Variants in PDE4A observed in about 807,000 individuals in gnomAD.
The protein encoded by PDE4A is 3',5'-cyclic-AMP phosphodiesterase 4A.
A neutral mutation model predicts 73.9 loss-of-function variants in PDE4A; 21 were observed. That is an observed-to-expected ratio of 0.28 (90% confidence interval 0.20 to 0.41). PDE4A has a LOEUF of 0.41. PDE4A is among the 10% of genes least tolerant of loss of function. PDE4A has a pLI of 1.00. For synonymous variants in PDE4A, 463 were observed against 505.4 expected (o/e 0.92, Z 1.13); for missense variants, 958 against 1,211.4 (o/e 0.79, Z 3.10).
chr19:10,461,042 C>G lies in PDE4A; in HGVS notation c.1404C>G (p.Phe468Leu). Residue 468 changes from phenylalanine (F) to leucine (L), a missense_variant, in exon 11 of 15, where the codon TTC becomes TTG. Phe to Leu is a conservative substitution (Grantham distance 22). Transcript: ENST00000380702. Reference sequence around the variant, plus strand: ...ACCTGGAGATTCTCGCCGCCCTCTTCGCGGCTGCCATCCACGATGTGGATC... The same window carrying G: ...ACCTGGAGATTCTCGCCGCCCTCTTGGCGGCTGCCATCCACGATGTGGATC... ...FTDLEILAAL[F>L]AAAIHDVDHP... 6.2e-7 allele frequency: 1 copy of G among 1,613,778 alleles called. No individual in the cohort carries two copies. Among genetic ancestry groups the G allele is most frequent in the Non-Finnish European group, 8.5e-7 (1 of 1,179,748 alleles).
At chr19:10,440,344 AT>A (rs1282263391) in intron 1 of PDE4A, among the ~76,000 whole-genome samples, 2 of 151,758 alleles carry the variant, frequency 1.3e-5, no homozygotes, top group African/African-American at 2.4e-5. Context: ...TTTTTTTCAT[AT>A]GTTTATTGGC....
At position 10,457,947 on chromosome 19, in the gene PDE4A, C is replaced by A; in HGVS notation, c.946C>A (p.Pro316Thr). The change falls in exon 8 of 15, where the codon CCA becomes ACA. Residue 316 changes from proline (P) to threonine (T), a missense_variant. By Grantham distance (38) the Pro-to-Thr change is conservative. Transcript: ENST00000380702. ...ACGAGAAAAACAGCAAGCGCCGCGA[C>A]CAAGACCCTCCCAGCCGCCCCCGCC... ...KEREKQQAPR[P>T]RPSQPPPPPV... is the part of the protein sequence containing the mutation. 6.2e-7 allele frequency: 1 copy of A among 1,613,522 alleles called. No homozygotes were observed. The highest frequency in any genetic ancestry group is 8.5e-7 in the Non-Finnish European group (1 of 1,180,034).
At chr19:10,429,290 GAA>G (rs756117033) in intron 1 of PDE4A, among the ~76,000 whole-genome samples, 13 of 109,700 alleles carry the variant, frequency 1.2e-4, no homozygotes, top group East Asian at 3.7e-4. Context: ...AAGAAAGAAA[GAA>G]AGAAAGAAAG....
chr19:10,418,430 C>CA (rs1183106601), upstream of PDE4A, among the ~76,000 whole-genome samples: 1 of 152,126 alleles, frequency 6.6e-6, no homozygotes, highest in Non-Finnish European at 1.5e-5. Flanking sequence ...GACAGCTGAG[C>CA]TGGTCCTGGC....
rs201987984 is a variant in PDE4A at position 10,468,242 on chromosome 19, T to A, written c.*621T>A. ...TCTCCCCTCTAAAAAAGTCTTCCGC[T>A]TGATTTTGCACAATCCCGGCGATAC... On this transcript the variant is annotated 3_prime_UTR_variant, in exon 15 of 15. Transcript: ENST00000380702. The A allele has an allele frequency of 1.3e-5, 2 of 152,488 alleles. No individual in the cohort carries two copies. Among genetic ancestry groups the A allele is most frequent in the Admixed American group, 6.6e-5 (1 of 15,202 alleles). The allele number at this position is 152,488 out of a possible 1,614,324, so 9.4% of individuals were successfully genotyped here.
intron 1 of PDE4A, chr19:10,432,301 C>T (rs956832781): frequency 7.5e-6 from 9 of 1,206,254 alleles, no homozygotes; most frequent in South Asian, 3.0e-5. Flanking sequence ...GGGGCTGTCC[C>T]TGGGGGGGTC....
intron 1 of PDE4A, among the ~76,000 whole-genome samples, chr19:10,436,902 A>G (rs1327804142): frequency 2.0e-5 from 3 of 152,040 alleles, no homozygotes; most frequent in Non-Finnish European, 4.4e-5. Flanking sequence ...AGCCAGGTGT[A>G]GTGGCGCACA....
chr19:10,448,046 A>G (rs2043036395), intron 2 of PDE4A, among the ~76,000 whole-genome samples: 1 of 151,910 alleles, frequency 6.6e-6, no homozygotes, highest in South Asian at 2.1e-4. Flanking sequence ...GCTTGAGCTC[A>G]GGATTCTGAG....
At chr19:10,461,258 G>GCT in intron 11 of PDE4A, among the ~76,000 whole-genome samples, 155 bp downstream of exon 11, 1 of 140,786 alleles carries the variant, frequency 7.1e-6, no homozygotes, top group African/African-American at 2.6e-5. Flanking sequence ...GGCGGGGCTG[G>GCT]GGGCGGGGCT....
At chr19:10,457,833 G>A (rs777656531) in intron 7 of PDE4A, 46 bp from the exon 8 acceptor site, 5 of 1,607,982 alleles carry the variant, frequency 3.1e-6, no homozygotes, top group African/African-American at 2.7e-5. Context: ...AGCCTCCAGG[G>A]GTGGAAGGGT....
upstream of PDE4A, chr19:10,417,776 G>A (rs1172134954): frequency 1.3e-6 from 2 of 1,564,622 alleles, no homozygotes; most frequent in Non-Finnish European, 1.7e-6. Flanking sequence ...CTGAGCCCTC[G>A]GACCCTGGGG....
chr19:10,463,655 C>G, intron 13 of PDE4A, 138 bp from the exon 14 acceptor site: 1 of 1,449,924 alleles, frequency 6.9e-7, no homozygotes, highest in Non-Finnish European at 9.2e-7. Flanking sequence ...CCCGCCTCAG[C>G]ATCCCAAAGT....
chr19:10,457,568 G>T (rs535412413), intron 7 of PDE4A, among the ~76,000 whole-genome samples: 2 of 151,854 alleles, frequency 1.3e-5, no homozygotes, highest in South Asian at 4.1e-4. Context: ...CTGGGTGTTC[G>T]GGGTAGGCAG....
intron 1 of PDE4A, chr19:10,421,327 C>G (rs904854749): frequency 1.0e-6 from 1 of 985,168 alleles, no homozygotes; most frequent in Admixed American, 6.2e-5. Flanking sequence ...GTGGTGTTAA[C>G]GAGGTCTGGG....
upstream of PDE4A, chr19:10,419,050 G>C (rs1207989562): frequency 1.0e-6 from 1 of 969,310 alleles, no homozygotes; most frequent in South Asian, 4.8e-5. Flanking sequence ...GTTGAAGACC[G>C]GCAGTCTTTT....
chr19:10,462,699 A>AT (rs2043293947), intron 13 of PDE4A, among the ~76,000 whole-genome samples: 1 of 149,672 alleles, frequency 6.7e-6, no homozygotes, highest in East Asian at 2.0e-4. Context: ...ATTTCCTCCC[A>AT]TTTCCCCCAA....
chr19:10,441,047 T>C (rs1403560345), intron 1 of PDE4A, among the ~76,000 whole-genome samples: 1 of 151,964 alleles, frequency 6.6e-6, no homozygotes, highest in Admixed American at 6.6e-5. Flanking sequence ...CTATTTATTT[T>C]TGAAACAAAG....
At chr19:10,432,552 C>A in intron 1 of PDE4A, 1 of 1,524,500 alleles carries the variant, frequency 6.6e-7, no homozygotes, top group South Asian at 1.2e-5. Context: ...CCGTCGGCAC[C>A]CTCCGGGCAG....
Position 10,466,972 on chromosome 19 carries a change from C to T in PDE4A, c.2012C>T (p.Thr671Ile), listed in dbSNP as rs777533742. The change falls in exon 15 of 15, where the codon ACT (threonine) becomes ATT (isoleucine). Residue 671 changes from threonine to isoleucine, a missense_variant. Physicochemically the swap from Thr to Ile is moderately conservative, Grantham distance 89 (BLOSUM62 -1). This residue lies in a region of PDE4A where 570 missense variants were observed against 827.7 expected (regional missense o/e 0.69). Transcript: ENST00000380702. ...VHPDAQEILD[T>I]LEDNRDWYYS... ...CCAGATGCCCAGGAGATCTTGGACA[C>T]TTTGGAGGACAACCGGGACTGGTAC... The T allele has an allele frequency of 1.9e-6, 3 of 1,614,052 alleles. No individual in the cohort carries two copies. Among genetic ancestry groups the T allele is most frequent in the Admixed American group, 1.7e-5 (1 of 59,994 alleles).
Sources: allele counts gnomAD v4.1 joint callset (sites outside exome capture counted in the v4.1 genomes callset), GRCh38; gene constraint gnomAD v4.1.1; regional missense constraint gnomAD v4.1.1; transcripts MANE v1.5; gene names NCBI Gene and HGNC (gene_info 2026-07-23, HGNC 2026-07-21).